Variants in TOMM7 observed in about 807,000 individuals in gnomAD.
TOMM7 encodes translocase of outer mitochondrial membrane 7.
TOMM7 carries 8 observed loss-of-function variants against 9.5 expected under a neutral mutation model. The observed-to-expected ratio is 0.84, with a 90% CI of 0.49 to 1.51. The LOEUF is 1.51. TOMM7 is among the 40% of genes most tolerant of loss of function. The probability of loss-of-function intolerance (pLI) is 0.00; values close to 1 mark genes in which losing one functional copy is unlikely to be tolerated. For synonymous variants in TOMM7, 27 were observed against 21.4 expected, an observed-to-expected ratio of 1.26 and a Z score of -0.72; for missense variants, 74 against 63.7, an observed-to-expected ratio of 1.16 and a Z score of -0.55.
intron 1 of TOMM7, among the ~76,000 whole-genome samples, chr7:22,821,329 G>A (rs952186758): frequency 2.0e-5 from 3 of 151,490 alleles, no homozygotes; most frequent in Admixed American, 1.3e-4. Context: ...AGAATGGCGA[G>A]AACCCGGGAG....
rs1782405067 is a variant in TOMM7 at position 22,822,349 on chromosome 7, C to T, written c.103+328G>A. 5 of 1,436,832 alleles carry T rather than the reference C, an allele frequency of 3.5e-6. No individual in the cohort carries two copies. In the South Asian group the frequency reaches 6.9e-5, roughly 20 times the overall value. 89.0% of individuals were successfully genotyped at this position (1,436,832 alleles called of 1,614,324 possible). A position where few individuals can be genotyped will look rare whatever the true frequency, so the allele number is the denominator to read the frequency against. On this transcript the variant is annotated intron_variant, in intron 1 of 2. Coordinates refer to ENST00000358435, the MANE Select transcript of TOMM7 (RefSeq NM_019059.5). ...GTGAGGAAAAACACCCCGAGAACCA[C>T]CTAGTGCTAGAGAGTGAATTAGTGA...
chr7:22,818,006 A>G lies in TOMM7; in HGVS notation c.146T>C (p.Val49Ala). The G allele has an allele frequency of 6.2e-7, 1 of 1,613,856 alleles. No homozygotes were observed. The highest frequency in any genetic ancestry group is 8.5e-7 in the Non-Finnish European group (1 of 1,179,912). Residue 49 changes from valine to alanine, a missense_variant, in exon 2 of 3, where the codon GTT becomes GCT. By Grantham distance (64) the Val-to-Ala change is moderately conservative (BLOSUM62 0). Coordinates refer to ENST00000358435, the MANE Select transcript of TOMM7 (RefSeq NM_019059.5). ...GADPGMPEPT[V>A]LSLLWG The stretch of plus-strand genomic sequence containing the variant: ...TTAGTTTTAAGAGCAGTACCTCAAA[A>G]CAGTTGGTTCAGGCATTCCGGGATC...
At chr7:22,822,051 A>C in intron 1 of TOMM7, 1 of 1,348,950 alleles carries the variant, frequency 7.4e-7, no homozygotes, top group African/African-American at 1.5e-5. Flanking sequence ...TATAATGGTT[A>C]AGACTATGGG....
At chr7:22,815,134 G>C (rs937953996) in intron 2 of TOMM7, among the ~76,000 whole-genome samples, 2 of 152,132 alleles carry the variant, frequency 1.3e-5, no homozygotes, top group African/African-American at 4.8e-5. Flanking sequence ...AAGATCAAGA[G>C]GGTTAGTATC....
intron 2 of TOMM7, chr7:22,817,664 T>G (rs1782333791): frequency 1.0e-5 from 2 of 199,546 alleles, no homozygotes; most frequent in Non-Finnish European, 2.1e-5. Context: ...GAAAACAAAA[T>G]CCTGCATACC....
chr7:22,819,630 T>C (rs773882750), intron 1 of TOMM7, among the ~76,000 whole-genome samples: 5 of 152,186 alleles, frequency 3.3e-5, no homozygotes, highest in South Asian at 4.1e-4. Flanking sequence ...CCCAGCCTCC[T>C]GCACATGTGG....
intron 2 of TOMM7, among the ~76,000 whole-genome samples, chr7:22,816,748 G>T (rs761187321): frequency 1.7e-4 from 26 of 152,318 alleles, no homozygotes; most frequent in Non-Finnish European, 3.5e-4. Context: ...ATATCAGATA[G>T]TATTGTGCTA....
chr7:22,822,541 T>C, intron 1 of TOMM7, 136 bp downstream of exon 1: 2 of 826,502 alleles, frequency 2.4e-6, no homozygotes, highest in Non-Finnish European at 4.0e-6. Flanking sequence ...TCGGCCCCAC[T>C]TGACCAGACA....
chr7:22,813,181 G>T lies in TOMM7; in HGVS notation c.157C>A (p.Leu53Ile). The T allele has an allele frequency of 6.2e-7, 1 of 1,613,190 alleles. No homozygotes were observed. The highest frequency in any genetic ancestry group is 1.1e-5 in the South Asian group (1 of 90,872). Residue 53 changes from leucine to isoleucine, a missense_variant, in exon 3 of 3, where the codon CTT becomes ATT. Leu to Ile is a conservative substitution (Grantham distance 5). Coordinates refer to ENST00000358435, the MANE Select transcript of TOMM7 (RefSeq NM_019059.5). ...GMPEPTVLSLLWG is the reference protein window; with the variant it reads ...GMPEPTVLSLIWG ...GACCAAATAATCCTTTATCCCCAAA[G>T]TAGGCTAAAATGTTTGTGAAGAGAA...
At chr7:22,816,838 T>C (rs999026081) in intron 2 of TOMM7, among the ~76,000 whole-genome samples, 1 of 152,166 alleles carries the variant, frequency 6.6e-6, no homozygotes, top group Non-Finnish European at 1.5e-5. Context: ...ATAGAACATA[T>C]TCCACCACCT....
chr7:22,820,726 T>C (rs1166367903), intron 1 of TOMM7, among the ~76,000 whole-genome samples: 1 of 152,112 alleles, frequency 6.6e-6, no homozygotes, highest in Non-Finnish European at 1.5e-5. Context: ...GCTGCAAGAA[T>C]AGTGGGGACA....
chr7:22,814,185 T>C (rs1339281574), intron 2 of TOMM7, among the ~76,000 whole-genome samples: 1 of 116,948 alleles, frequency 8.6e-6, no homozygotes, highest in Admixed American at 8.6e-5. Context: ...AAAAAAAAAA[T>C]ACAAAAATAC....
chr7:22,817,467 T>C, intron 2 of TOMM7: 1 of 223,324 alleles, frequency 4.5e-6, no homozygotes, highest in Admixed American at 4.6e-5. Flanking sequence ...GGTCTTGAAC[T>C]CCTAGCTTCA....
intron 1 of TOMM7, among the ~76,000 whole-genome samples, chr7:22,820,003 G>A (rs1319848812): frequency 6.6e-6 from 1 of 152,178 alleles, no homozygotes; most frequent in Non-Finnish European, 1.5e-5. Context: ...TAAATCCGCA[G>A]TTGCTGGTTT....
At position 22,814,435 on chromosome 7, in the gene TOMM7, C is replaced by T. The variant is rs528202758; in HGVS notation, c.153-1250G>A. On this transcript the variant is annotated intron_variant, in intron 2 of 2. Coordinates refer to ENST00000358435, the MANE Select transcript of TOMM7 (RefSeq NM_019059.5). Reference sequence around the variant, plus strand: ...TCGGGAGGCTGAGGTGGGAGGACCACCTGAGCTCAGGAGGTCAAGGCTGCA... The same window carrying T: ...TCGGGAGGCTGAGGTGGGAGGACCATCTGAGCTCAGGAGGTCAAGGCTGCA... Among the ~76,000 whole-genome samples, 12 of 151,812 alleles carry T rather than the reference C, an allele frequency of 7.9e-5. No homozygotes were observed. In the South Asian group the frequency reaches 2.3e-3, roughly 29 times the overall value.
In TOMM7 at chr7:22,813,257, T is replaced by C. The variant is rs191460176; in HGVS notation, c.153-72A>G. ...AATCTTCTAGACATAACCTAAGACC[T>C]AGAAAATTTTATACATTTATGTTTG... On this transcript the variant is annotated intron_variant, in intron 2 of 2. Coordinates refer to ENST00000358435, the MANE Select transcript of TOMM7 (RefSeq NM_019059.5). The C allele has an allele frequency of 2.8e-5, 38 of 1,363,626 alleles. No homozygotes were observed. The East Asian group carries it at 6.9e-4, about 25-fold the overall frequency. 84.5% of individuals were successfully genotyped at this position (1,363,626 alleles called of 1,614,324 possible).
At chr7:22,817,025 T>C (rs1372877314) in intron 2 of TOMM7, among the ~76,000 whole-genome samples, 2 of 152,196 alleles carry the variant, frequency 1.3e-5, no homozygotes, top group African/African-American at 2.4e-5. Flanking sequence ...AGCCCTAGAA[T>C]AGTCAGTGAA....
chr7:22,817,840 AG>A, intron 2 of TOMM7, 159 bp downstream of exon 2: 2 of 600,624 alleles, frequency 3.3e-6, no homozygotes, highest in Non-Finnish European at 6.0e-6. Context: ...ACAAATTAGG[AG>A]GGGGAAGAGA....
At chr7:22,822,340 C>A in intron 1 of TOMM7, 1 of 1,456,830 alleles carries the variant, frequency 6.9e-7, no homozygotes, top group Non-Finnish European at 9.2e-7. Context: ...AAAAACACCC[C>A]GAGAACCACC....
Sources: gnomAD v4.1 joint callset for allele counts (sites outside exome capture counted in the v4.1 genomes callset) on GRCh38, gnomAD v4.1.1 for gene constraint, MANE v1.5 for transcripts, NCBI Gene and HGNC (gene_info 2026-07-23, HGNC 2026-07-21) for gene names.